GLI2: variants seen among roughly 807,000 people sequenced by gnomAD.
The protein encoded by GLI2 is GLI family zinc finger 2.
A neutral mutation model predicts 78.9 loss-of-function variants in GLI2; 22 were observed. The observed-to-expected ratio is 0.28, with a 90% CI of 0.20 to 0.40. The LOEUF (loss-of-function observed/expected upper bound fraction) is 0.40, where lower values mean the gene tolerates loss of function less well. Ranked by LOEUF, GLI2 falls within the 10% of genes least tolerant of loss-of-function variation. The probability of loss-of-function intolerance (pLI) is 1.00; values close to 1 mark genes in which losing one functional copy is unlikely to be tolerated. For missense variants in GLI2, 2,097 were observed against 2,213.2 expected, an observed-to-expected ratio of 0.95 and a Z score of 1.05; for synonymous variants, 974 against 963.7, an observed-to-expected ratio of 1.01 and a Z score of -0.20.
intron 2 of GLI2, among the ~76,000 whole-genome samples, chr2:120,844,516 T>C (rs986699387): frequency 2.6e-5 from 4 of 152,242 alleles, no homozygotes; most frequent in African/African-American, 4.8e-5. Context: ...AACTGCTAAC[T>C]GACTAGCCTG....
intron 3 of GLI2, among the ~76,000 whole-genome samples, chr2:120,950,519 C>A (rs1462524227): frequency 2.6e-5 from 4 of 152,130 alleles, no homozygotes; most frequent in African/African-American, 9.7e-5. Context: ...TGGGGGTGGG[C>A]CCTGGCCATG....
intron 2 of GLI2, among the ~76,000 whole-genome samples, chr2:120,849,499 G>T (rs968326685): frequency 1.3e-5 from 2 of 152,286 alleles, no homozygotes; most frequent in African/African-American, 4.8e-5. Flanking sequence ...GTGTTCTTTT[G>T]TAGAGAAAGT....
At position 120,989,812 on chromosome 2, in the gene GLI2, A is replaced by G. The variant is rs746470573; in HGVS notation, c.3847A>G (p.Arg1283Gly). 77 of 1,611,044 alleles carry G rather than the reference A, an allele frequency of 4.8e-5. No individual in the cohort carries two copies. Among genetic ancestry groups the G allele is most frequent in the Non-Finnish European group, 6.2e-5 (73 of 1,178,664 alleles). Residue 1283 changes from arginine to glycine, a missense_variant, in exon 14 of 14, where the codon AGG becomes GGG. Coordinates refer to ENST00000361492, the MANE Select transcript of GLI2 (RefSeq NM_001374353.1). ...CCCCACCACGATGGGCAATCGCCACAGGGAACTTGGGGTCCCCGATTCAGC... is the reference window on the plus strand; with the variant it reads ...CCCCACCACGATGGGCAATCGCCACGGGGAACTTGGGGTCCCCGATTCAGC... Reference protein sequence around the residue: ...PDPTTMGNRHRELGVPDSALA... With the variant: ...PDPTTMGNRHGELGVPDSALA...
intron 2 of GLI2, among the ~76,000 whole-genome samples, chr2:120,875,547 C>T (rs1441579282): frequency 1.3e-5 from 2 of 152,258 alleles, no homozygotes; most frequent in African/African-American, 4.8e-5. Context: ...AGACCCCGCC[C>T]TGTGCCGAGT....
rs184824106 is a variant in GLI2 at position 120,928,053 on chromosome 2, T to A, written c.254+587T>A. On this transcript the variant is annotated intron_variant, in intron 3 of 13. Transcript: ENST00000361492. ...GGGCCTCTAAGCCCATTGGCTGGTG[T>A]CATTTCTTGGCCTTTAGGGCTCAAA... 4.2e-4 allele frequency among the ~76,000 whole-genome samples: 64 copies of A among 152,210 alleles called. No homozygotes were observed. In the East Asian group the frequency reaches 0.012, roughly 28 times the overall value.
intron 2 of GLI2, among the ~76,000 whole-genome samples, chr2:120,832,978 G>A (rs1052837705): frequency 6.6e-6 from 1 of 152,130 alleles, no homozygotes; most frequent in Non-Finnish European, 1.5e-5. Context: ...GTACTAGGTT[G>A]TGCTCAGGGA....
intron 3 of GLI2, among the ~76,000 whole-genome samples, chr2:120,939,225 T>C (rs1037401414): frequency 2.6e-5 from 4 of 151,556 alleles, no homozygotes; most frequent in African/African-American, 9.7e-5. Context: ...GAAGTTGCAG[T>C]GAGCTGAGAT....
rs1325240604 is a variant in GLI2, at chr2:120,955,303, C to T, written c.516C>T (p.Thr172=). The change falls in exon 5 of 14, where the codon ACC becomes ACT. Residue 172 remains threonine, a synonymous_variant. Transcript: ENST00000361492. ...TTGGCCTTCCTGCTCCAGGCACCAC[C>T]CCCTCAGACTATTACCACCAGATGA... is the stretch of plus-strand genomic sequence containing the variant. ...GLFGLPAPGT[T]PSDYYHQMTL... 6.2e-7 allele frequency: 1 copy of T among 1,612,550 alleles called. No individual in the cohort carries two copies. The highest frequency in any genetic ancestry group is 8.5e-7 in the Non-Finnish European group (1 of 1,178,734).
chr2:120,741,648 C>A (rs983971746), intron 1 of GLI2, among the ~76,000 whole-genome samples: 5 of 152,082 alleles, frequency 3.3e-5, no homozygotes, highest in Non-Finnish European at 5.9e-5. Context: ...ACCTTCCTCT[C>A]CCTCCGCGCC....
At chr2:120,876,155 C>T (rs551148922) in intron 2 of GLI2, among the ~76,000 whole-genome samples, 24 of 152,216 alleles carry the variant, frequency 1.6e-4, no homozygotes, top group Admixed American at 4.6e-4. Context: ...TCCTGGCTAA[C>T]GCGGTGAAAC....
chr2:120,851,417 C>T (rs929511399), intron 2 of GLI2, among the ~76,000 whole-genome samples: 1 of 152,232 alleles, frequency 6.6e-6, no homozygotes, highest in African/African-American at 2.4e-5. Context: ...CCCCCAGGGC[C>T]AGGGGACTGG....
intron 2 of GLI2, among the ~76,000 whole-genome samples, chr2:120,894,840 A>G (rs1379442733): frequency 6.6e-6 from 1 of 152,130 alleles, no homozygotes; most frequent in Non-Finnish European, 1.5e-5. Flanking sequence ...CTGGGACTAC[A>G]GGCGCCTGCC....
At chr2:120,813,083 A>G (rs1385011611) in intron 2 of GLI2, among the ~76,000 whole-genome samples, 1 of 152,214 alleles carries the variant, frequency 6.6e-6, no homozygotes, top group East Asian at 1.9e-4. Context: ...TGCCACACAC[A>G]GGATGTAAAG....
At chr2:120,846,871 C>T (rs759979702) in intron 2 of GLI2, among the ~76,000 whole-genome samples, 21 of 152,208 alleles carry the variant, frequency 1.4e-4, no homozygotes, top group Non-Finnish European at 2.5e-4. Flanking sequence ...TGACAGTGAC[C>T]GTGTCTTCAG....
chr2:120,770,642 G>A (rs549141877), intron 1 of GLI2, among the ~76,000 whole-genome samples: 6 of 152,278 alleles, frequency 3.9e-5, no homozygotes, highest in East Asian at 1.9e-4. Flanking sequence ...TGCCTCTCTC[G>A]TGCTCTGAGG....
chr2:120,982,901 C>T (rs1322003091), intron 11 of GLI2, 21 bp downstream of exon 11: 1 of 1,611,934 alleles, frequency 6.2e-7, no homozygotes. Flanking sequence ...GGGGCATGCA[C>T]TGGGCATGCA....
At chr2:120,835,946 G>A (rs1484681825) in intron 2 of GLI2, among the ~76,000 whole-genome samples, 1 of 152,152 alleles carries the variant, frequency 6.6e-6, no homozygotes, top group South Asian at 2.1e-4. Flanking sequence ...GGTGGGGGAT[G>A]TTCTGCCCTG....
At chr2:120,739,554 T>G (rs771953163) in intron 1 of GLI2, among the ~76,000 whole-genome samples, 8 of 152,208 alleles carry the variant, frequency 5.3e-5, no homozygotes, top group Non-Finnish European at 1.0e-4. Context: ...CCTTGCTTCT[T>G]GGAGGCTGTG....
chr2:120,826,627 T>C (rs899795403), intron 2 of GLI2, among the ~76,000 whole-genome samples: 3 of 152,330 alleles, frequency 2.0e-5, no homozygotes, highest in Admixed American at 6.5e-5. Context: ...TGGGATTCCC[T>C]GCATTGCCGT....
Sources: allele counts gnomAD v4.1 joint callset (sites outside exome capture counted in the v4.1 genomes callset), GRCh38; gene constraint gnomAD v4.1.1; transcripts MANE v1.5; gene names NCBI Gene and HGNC (gene_info 2026-07-23, HGNC 2026-07-21).